WWOX: variants seen among roughly 807,000 people sequenced by gnomAD.
WWOX encodes WW domain containing oxidoreductase.
WWOX carries 69 observed loss-of-function variants against 46.2 expected under a neutral mutation model. The ratio of observed to expected loss-of-function variants is 1.49; its 90% CI spans 1.23 to 1.82. The LOEUF (loss-of-function observed/expected upper bound fraction) is 1.82. Among genes scored for constraint, WWOX ranks in the 40% most tolerant of loss-of-function variants. The pLI is 0.00. For synonymous variants in WWOX, 359 were observed against 202.6 expected (o/e 1.77, Z -6.56); for missense variants, 919 against 542.6 (o/e 1.69, Z -6.89).
intron 8 of WWOX, among the ~76,000 whole-genome samples, chr16:79,126,068 A>G (rs2049747532): frequency 6.6e-6 from 1 of 152,166 alleles, no homozygotes; most frequent in Non-Finnish European, 1.5e-5. Context: ...CTTGTGTTAA[A>G]TATGGTAGGG....
chr16:78,909,885 G>A (rs1458252666), intron 8 of WWOX, among the ~76,000 whole-genome samples: 1 of 152,094 alleles, frequency 6.6e-6, no homozygotes, highest in East Asian at 1.9e-4. Flanking sequence ...TATTCCTTAG[G>A]CATCCGTTTA....
chr16:78,865,401 A>G (rs1046120263), intron 8 of WWOX, among the ~76,000 whole-genome samples: 5 of 152,164 alleles, frequency 3.3e-5, no homozygotes, highest in Admixed American at 1.3e-4. Flanking sequence ...CCATAGATAA[A>G]TCTTTACACT....
intron 8 of WWOX, among the ~76,000 whole-genome samples, chr16:78,768,157 C>CGG (rs55924702): frequency 1.3e-5 from 2 of 148,450 alleles, no homozygotes; most frequent in African/African-American, 5.0e-5. Context: ...GGCTGCGGGG[C>CGG]GGGGGGGTCG....
intron 8 of WWOX, among the ~76,000 whole-genome samples, chr16:79,068,927 G>A (rs937288153): frequency 1.3e-5 from 2 of 152,000 alleles, no homozygotes; most frequent in Non-Finnish European, 1.5e-5. Flanking sequence ...TGATGCCCAC[G>A]CTTAACCGAT....
At position 78,974,875 on chromosome 16, in the gene WWOX, G is replaced by A. The variant is rs143701761; in HGVS notation, c.1057-236733G>A. 1.8e-4 allele frequency among the ~76,000 whole-genome samples: 28 copies of A among 152,238 alleles called. 1 individual carries two copies. In the East Asian group the frequency reaches 4.9e-3, roughly 26 times the overall value. ...CCAGCTTCCTGTCCACTGGAGGCCCGGGGAGACCTTGAAATGCTCAGCTGC... is the reference window on the plus strand; with the variant it reads ...CCAGCTTCCTGTCCACTGGAGGCCCAGGGAGACCTTGAAATGCTCAGCTGC... On this transcript the variant is annotated intron_variant, in intron 8 of 8. Transcript: ENST00000566780.
chr16:78,425,587 A>G (rs2083056817), intron 7 of WWOX, among the ~76,000 whole-genome samples: 1 of 152,182 alleles, frequency 6.6e-6, no homozygotes, highest in African/African-American at 2.4e-5. Flanking sequence ...AAAACATCAG[A>G]TGGCACTTTT....
chr16:79,018,376 T>A (rs1452230674), intron 8 of WWOX, among the ~76,000 whole-genome samples: 1 of 152,198 alleles, frequency 6.6e-6, no homozygotes. Flanking sequence ...TTATGATTTG[T>A]CAGTAATCAA....
chr16:78,751,461 T>TTATATATATATATATATA (rs71140824), intron 8 of WWOX, among the ~76,000 whole-genome samples: 187 of 128,366 alleles, frequency 1.5e-3, no homozygotes, highest in South Asian at 2.0e-3. Context: ...TTATCAGATT[T>TTATATATATATATATATA]TATATATATA....
rs148886655 is a variant in WWOX at position 79,027,983 on chromosome 16, G to A, written c.1057-183625G>A. Among the ~76,000 whole-genome samples the A allele has an allele frequency of 4.5e-3, 690 of 151,676 alleles. 31 individuals carry two copies. Among genetic ancestry groups the A allele is most frequent in the African/African-American group, 0.016 (660 of 41,106 alleles). ...TTGTTTGTTTTTGAGACGGAGTGTCGCTCTGTCGCCTAGGCTGGAGTGCAG... is the reference window on the plus strand; with the variant it reads ...TTGTTTGTTTTTGAGACGGAGTGTCACTCTGTCGCCTAGGCTGGAGTGCAG... On this transcript the variant is annotated intron_variant, in intron 8 of 8. Coordinates refer to ENST00000566780, the MANE Select transcript of WWOX (RefSeq NM_016373.4).
intron 8 of WWOX, among the ~76,000 whole-genome samples, chr16:78,678,857 C>A (rs144149859): frequency 2.6e-5 from 4 of 152,122 alleles, no homozygotes; most frequent in Non-Finnish European, 5.9e-5. Flanking sequence ...CCTGTGCTTC[C>A]CAGTTTACTC....
At chr16:78,988,702 C>T (rs1218794102) in intron 8 of WWOX, among the ~76,000 whole-genome samples, 1 of 152,148 alleles carries the variant, frequency 6.6e-6, no homozygotes, top group Non-Finnish European at 1.5e-5. Context: ...ATGGAAAGTG[C>T]ATTTGGGTAG....
At chr16:79,206,202 G>A (rs2051503972) in intron 8 of WWOX, 1 of 152,224 alleles carries the variant, frequency 6.6e-6, no homozygotes, top group Non-Finnish European at 1.5e-5. Context: ...GGCCATGTTA[G>A]GGCATCACCT....
At chr16:78,554,150 G>T (rs1028491810) in intron 8 of WWOX, among the ~76,000 whole-genome samples, 9 of 152,182 alleles carry the variant, frequency 5.9e-5, no homozygotes, top group Non-Finnish European at 1.3e-4. Flanking sequence ...ATGCAGAAAA[G>T]TGCTGAAGGT....
At chr16:78,568,926 C>CTT (rs1186823309) in intron 8 of WWOX, among the ~76,000 whole-genome samples, 1 of 152,158 alleles carries the variant, frequency 6.6e-6, no homozygotes, top group Non-Finnish European at 1.5e-5. Flanking sequence ...CATCCTTATA[C>CTT]TTGAGGTCTT....
intron 8 of WWOX, among the ~76,000 whole-genome samples, chr16:78,795,504 C>G (rs2050713675): frequency 1.3e-5 from 2 of 152,112 alleles, no homozygotes; most frequent in Admixed American, 6.5e-5. Flanking sequence ...CTACATCAAA[C>G]CTGGCTTCTT....
chr16:78,286,787 A>G (rs62035677), intron 5 of WWOX, among the ~76,000 whole-genome samples: 32,245 of 146,050 alleles, frequency 0.22, 3,895 homozygotes, highest in Middle Eastern at 0.41. Flanking sequence ...AAATATAACT[A>G]TATGAGTATC....
At chr16:78,646,693 G>A (rs1157381810) in intron 8 of WWOX, among the ~76,000 whole-genome samples, 1 of 152,220 alleles carries the variant, frequency 6.6e-6, no homozygotes, top group African/African-American at 2.4e-5. Flanking sequence ...CTCCCGTAGT[G>A]ATAGGATTAC....
chr16:78,516,120 G>A (rs550260504), intron 8 of WWOX, among the ~76,000 whole-genome samples: 2 of 152,172 alleles, frequency 1.3e-5, no homozygotes, highest in Admixed American at 1.3e-4. Flanking sequence ...AATAGTTCTT[G>A]GCGTGCCCCT....
intron 8 of WWOX, among the ~76,000 whole-genome samples, chr16:78,602,126 A>C (rs776114485): frequency 7.9e-5 from 12 of 152,238 alleles, no homozygotes; most frequent in Non-Finnish European, 1.5e-4. Context: ...TGAACTAATC[A>C]CACTAGTAGA....
Sources: gnomAD v4.1 joint callset for allele counts (sites outside exome capture counted in the v4.1 genomes callset) on GRCh38, gnomAD v4.1.1 for gene constraint, MANE v1.5 for transcripts, NCBI Gene and HGNC (gene_info 2026-07-23, HGNC 2026-07-21) for gene names.